The following AGBL4 variants were observed in gnomAD, a reference collection of about 807,000 sequenced individuals.
AGBL4 encodes cytosolic carboxypeptidase 6.
In AGBL4, 58 loss-of-function variants were observed where a neutral mutation model predicts 66.4. The ratio of observed to expected loss-of-function variants is 0.87; its 90% CI spans 0.71 to 1.09. AGBL4 has a LOEUF of 1.09. Ranked by LOEUF, AGBL4 falls within the 50% of genes least tolerant of loss-of-function variation. The pLI is 0.00. For missense variants in AGBL4, 579 were observed against 631.0 expected (o/e 0.92, Z 0.88); for synonymous variants, 234 against 222.9 (o/e 1.05, Z -0.44).
chr1:49,911,393 G>A (rs576723876), intron 1 of AGBL4, among the ~76,000 whole-genome samples: 21 of 152,290 alleles, frequency 1.4e-4, no homozygotes, highest in Admixed American at 5.9e-4. Context: ...CGGCAGGCAA[G>A]TTCAAAATCA....
At chr1:49,797,779 C>CT (rs938932309) in intron 2 of AGBL4, among the ~76,000 whole-genome samples, 17 of 149,416 alleles carry the variant, frequency 1.1e-4, no homozygotes, top group East Asian at 3.9e-4. Flanking sequence ...TTTTTCTTTT[C>CT]TTTTTTTTTG....
intron 3 of AGBL4, among the ~76,000 whole-genome samples, chr1:49,478,606 C>T (rs1646892172): frequency 1.3e-5 from 2 of 151,742 alleles, no homozygotes; most frequent in Non-Finnish European, 2.9e-5. Flanking sequence ...TTACTTCAGT[C>T]AGAAAAAAAA....
At chr1:49,534,171 C>CAAAAAAAAAAAAAAAAAAA (rs71059553) in intron 3 of AGBL4, among the ~76,000 whole-genome samples, 3 of 67,048 alleles carry the variant, frequency 4.5e-5, no homozygotes, top group African/African-American at 5.8e-5. Context: ...CACCATTTTA[C>CAAAAAAAAAAAAAAAAAAA]AAAAAAAAAA....
At chr1:48,742,673 A>AAT (rs780743938) in intron 6 of AGBL4, 1 of 1,610,998 alleles carries the variant, frequency 6.2e-7, no homozygotes, top group Non-Finnish European at 8.5e-7. Context: ...GGAGCGGGGT[A>AAT]ATAGGACGAC....
intron 1 of AGBL4, among the ~76,000 whole-genome samples, chr1:49,882,748 G>C (rs1271134295): frequency 6.6e-6 from 1 of 152,136 alleles, no homozygotes; most frequent in African/African-American, 2.4e-5. Flanking sequence ...TGTATCCTGA[G>C]ACCTTGCTGA....
chr1:49,044,027 A>G (rs770954165), intron 5 of AGBL4, among the ~76,000 whole-genome samples: 12 of 152,362 alleles, frequency 7.9e-5, no homozygotes, highest in Non-Finnish European at 1.6e-4. Context: ...AGCCTGTCCA[A>G]TAAGCCTCTT....
chr1:49,840,063 C>T (rs1645952466), intron 2 of AGBL4, among the ~76,000 whole-genome samples: 1 of 152,070 alleles, frequency 6.6e-6, no homozygotes, highest in Non-Finnish European at 1.5e-5. Context: ...GACATAGGTA[C>T]ATTTGGTAGA....
chr1:49,627,662 T>G (rs759957422), intron 3 of AGBL4, among the ~76,000 whole-genome samples: 1 of 152,204 alleles, frequency 6.6e-6, no homozygotes, highest in Non-Finnish European at 1.5e-5. Context: ...ACCCTGCATA[T>G]GGCTATAATG....
intron 3 of AGBL4, among the ~76,000 whole-genome samples, chr1:49,328,872 T>C (rs915478284): frequency 2.3e-4 from 35 of 152,232 alleles, no homozygotes; most frequent in Admixed American, 1.7e-3. Context: ...CCCTCTATCC[T>C]TGGGCCATCT....
intron 3 of AGBL4, among the ~76,000 whole-genome samples, chr1:49,269,880 G>A (rs1211946956): frequency 1.3e-5 from 2 of 152,110 alleles, no homozygotes; most frequent in African/African-American, 4.8e-5. Flanking sequence ...TGAAGGGGAA[G>A]TTTTCCTTTA....
intron 6 of AGBL4, among the ~76,000 whole-genome samples, chr1:48,774,357 C>T (rs1302363062): frequency 1.3e-5 from 2 of 152,114 alleles, no homozygotes; most frequent in East Asian, 3.8e-4. Context: ...AGGAGTTATT[C>T]CAGGGTAATG....
At chr1:49,727,545 T>C (rs539232787) in intron 2 of AGBL4, among the ~76,000 whole-genome samples, 2 of 152,116 alleles carry the variant, frequency 1.3e-5, no homozygotes, top group Non-Finnish European at 2.9e-5. Flanking sequence ...CGTTTGAAAA[T>C]ATCTATTGAA....
At chr1:49,823,918 A>C (rs1645436480) in intron 2 of AGBL4, among the ~76,000 whole-genome samples, 1 of 152,094 alleles carries the variant, frequency 6.6e-6, no homozygotes, top group African/African-American at 2.4e-5. Context: ...CAGAAATAAA[A>C]GACCAGGTGA....
intron 4 of AGBL4, among the ~76,000 whole-genome samples, chr1:49,170,113 C>T (rs1164874678): frequency 1.3e-5 from 2 of 150,958 alleles, no homozygotes; most frequent in Admixed American, 6.6e-5. Context: ...CCAAAAACCA[C>T]ATGTACCCCA....
intron 3 of AGBL4, among the ~76,000 whole-genome samples, chr1:49,513,936 C>T (rs953586802): frequency 1.3e-5 from 2 of 151,980 alleles, no homozygotes; most frequent in Non-Finnish European, 2.9e-5. Flanking sequence ...GACTCCATTT[C>T]ATGGGCTAAG....
chr1:49,751,949 A>G (rs1308321002), intron 2 of AGBL4, among the ~76,000 whole-genome samples: 1 of 148,018 alleles, frequency 6.8e-6, no homozygotes, highest in Non-Finnish European at 1.5e-5. Flanking sequence ...TTTGGCATTT[A>G]TTTGATTCTT....
chr1:49,681,283 C>A (rs1384486565), intron 3 of AGBL4, among the ~76,000 whole-genome samples: 1 of 152,126 alleles, frequency 6.6e-6, no homozygotes, highest in Non-Finnish European at 1.5e-5. Context: ...TAACTAAAAT[C>A]TAAATATTTT....
chr1:49,900,065 T>C (rs1189458113), intron 1 of AGBL4, among the ~76,000 whole-genome samples: 2 of 151,452 alleles, frequency 1.3e-5, no homozygotes, highest in Admixed American at 1.3e-4. Flanking sequence ...TGCTCAATAA[T>C]TGGGTAGAAG....
chr1:48,591,349 T>C (rs568609190), intron 9 of AGBL4, among the ~76,000 whole-genome samples: 2 of 152,290 alleles, frequency 1.3e-5, no homozygotes, highest in South Asian at 4.1e-4. Flanking sequence ...GACTAGACAT[T>C]CGTGGAATTT....
Sources: allele counts gnomAD v4.1 joint callset (sites outside exome capture counted in the v4.1 genomes callset), GRCh38; gene constraint gnomAD v4.1.1; transcripts MANE v1.5; gene names NCBI Gene and HGNC (gene_info 2026-07-23, HGNC 2026-07-21).